TMEM232: variants seen among roughly 807,000 people sequenced by gnomAD.
The protein encoded by TMEM232 is transmembrane protein 232.
Under a neutral mutation model 78.8 loss-of-function variants are expected in TMEM232, and 80 were observed. That is an observed-to-expected ratio of 1.01 (90% CI 0.85 to 1.22). The LOEUF (loss-of-function observed/expected upper bound fraction) is 1.22. Ranked by LOEUF, TMEM232 falls within the 50% of genes most tolerant of loss-of-function variation. The pLI is 0.00. For synonymous variants in TMEM232, 297 were observed against 254.3 expected (o/e 1.17, Z -1.60); for missense variants, 881 against 742.2 (o/e 1.19, Z -2.17).
chr5:110,706,077 T>G (rs893216681), intron 1 of TMEM232, among the ~76,000 whole-genome samples: 5 of 152,004 alleles, frequency 3.3e-5, no homozygotes, highest in Admixed American at 3.3e-4. Flanking sequence ...AAATAACACT[T>G]ATAATAATGA....
At chr5:110,722,385 C>T (rs1362987988) in intron 1 of TMEM232, among the ~76,000 whole-genome samples, 1 of 152,120 alleles carries the variant, frequency 6.6e-6, no homozygotes, top group Non-Finnish European at 1.5e-5. Context: ...CAGGTTCAGT[C>T]AGTCAGTCAG....
In TMEM232 at chr5:110,559,652, C is replaced by T. The variant is rs536122790; in HGVS notation, c.1455+8795G>A. 3.0e-3 allele frequency among the ~76,000 whole-genome samples: 462 copies of T among 152,164 alleles called. 3 individuals carry two copies. Among genetic ancestry groups the T allele is most frequent in the African/African-American group, 0.011 (436 of 41,510 alleles). ...TATTATACATCCATCAGAATGTCTA[C>T]GTTAAAAAGGCTGAAAATTTTTCAG... On this transcript the variant is annotated intron_variant, in intron 11 of 13. Coordinates refer to ENST00000455884, the MANE Select transcript of TMEM232 (RefSeq NM_001039763.4).
intron 8 of TMEM232, among the ~76,000 whole-genome samples, chr5:110,617,325 T>C (rs1223486294): frequency 6.6e-6 from 1 of 152,094 alleles, no homozygotes; most frequent in East Asian, 1.9e-4. Flanking sequence ...AAGTTTCAGT[T>C]AGACAGGAGG....
rs112814876 is a variant in TMEM232, at chr5:110,673,512, T to C, written c.-12-6148A>G. Among the ~76,000 whole-genome samples, 576 of 152,186 alleles carry C rather than the reference T, an allele frequency of 3.8e-3. 2 individuals are homozygous for C. The highest frequency in any genetic ancestry group is 0.013 in the African/African-American group (547 of 41,536). On this transcript the variant is annotated intron_variant, in intron 1 of 13. Transcript: ENST00000455884. The stretch of plus-strand genomic sequence containing the variant: ...GCTTTAGAGGGTCACGTAAGGTCGA[T>C]TGGAAAATTCTTTGTAATTTTTTAA...
intron 4 of TMEM232, 137 bp from the exon 5 acceptor site, chr5:110,638,492 G>C: frequency 1.2e-6 from 1 of 840,804 alleles, no homozygotes; most frequent in Non-Finnish European, 1.8e-6. Flanking sequence ...AATTCTCTTT[G>C]ACACCTTTCT....
At chr5:110,555,880 T>C (rs1235811482) in intron 11 of TMEM232, among the ~76,000 whole-genome samples, 2 of 152,176 alleles carry the variant, frequency 1.3e-5, no homozygotes, top group South Asian at 4.1e-4. Context: ...TTTGAACCTA[T>C]AGGTATCCTT....
intron 11 of TMEM232, among the ~76,000 whole-genome samples, chr5:110,537,477 C>G (rs1049451062): frequency 6.6e-6 from 1 of 151,940 alleles, no homozygotes; most frequent in East Asian, 1.9e-4. Flanking sequence ...ACCTAACAAT[C>G]TGCAAAACTC....
chr5:110,524,169 A>G (rs1770020204), intron 12 of TMEM232, among the ~76,000 whole-genome samples: 1 of 150,682 alleles, frequency 6.6e-6, no homozygotes, highest in African/African-American at 2.4e-5. Flanking sequence ...AGGCTGAGGC[A>G]TAAGAATTGC....
intron 6 of TMEM232, among the ~76,000 whole-genome samples, chr5:110,627,245 A>T (rs1390489211): frequency 1.3e-5 from 2 of 152,070 alleles, no homozygotes; most frequent in Non-Finnish European, 2.9e-5. Flanking sequence ...CAAGTCCAGA[A>T]CCTTACTAAA....
intron 1 of TMEM232, among the ~76,000 whole-genome samples, chr5:110,711,029 C>CA (rs987253642): frequency 6.6e-6 from 1 of 151,892 alleles, no homozygotes; most frequent in African/African-American, 2.4e-5. Flanking sequence ...AAGACTTCAC[C>CA]AAAAAACGAT....
At chr5:110,540,827 C>T (rs141795810) in intron 11 of TMEM232, among the ~76,000 whole-genome samples, 2 of 152,260 alleles carry the variant, frequency 1.3e-5, no homozygotes, top group Non-Finnish European at 2.9e-5. Context: ...GCTCATGCTA[C>T]AATCTGGAAG....
At chr5:110,670,083 GC>G (rs1791155269) in intron 1 of TMEM232, among the ~76,000 whole-genome samples, 1 of 152,168 alleles carries the variant, frequency 6.6e-6, no homozygotes, top group South Asian at 2.1e-4. Context: ...AGACAGGGAT[GC>G]CCTCTCTCAC....
chr5:110,604,975 A>T (rs1781363472), intron 10 of TMEM232, 134 bp downstream of exon 10: 6 of 1,076,116 alleles, frequency 5.6e-6, no homozygotes, highest in Non-Finnish European at 7.8e-6. Context: ...ATCATGCTAT[A>T]TTCTTCCAAA....
chr5:110,404,764 A>G (rs1249372122), intron 2 of TMEM232, among the ~76,000 whole-genome samples: 1 of 152,054 alleles, frequency 6.6e-6, no homozygotes, highest in African/African-American at 2.4e-5. Context: ...CCAAAGAAAA[A>G]CAAGTGCTTC....
chr5:110,734,383 G>A (rs2150386808), intron 2 of TMEM232, among the ~76,000 whole-genome samples: 1 of 152,316 alleles, frequency 6.6e-6, no homozygotes, highest in East Asian at 1.9e-4. Context: ...GCCTCTGTTT[G>A]GGTCACACCT....
chr5:110,692,165 C>A (rs1005199617), intron 1 of TMEM232, among the ~76,000 whole-genome samples: 7 of 152,166 alleles, frequency 4.6e-5, no homozygotes, highest in Non-Finnish European at 1.0e-4. Flanking sequence ...CATGATCTGC[C>A]CGCCTCGGCC....
intron 11 of TMEM232, 49 bp downstream of exon 11, chr5:110,568,398 G>T: frequency 6.9e-7 from 1 of 1,443,310 alleles, no homozygotes; most frequent in South Asian, 1.4e-5. Flanking sequence ...TGACAACCGT[G>T]CTTCCTAATG....
intron 3 of TMEM232, among the ~76,000 whole-genome samples, chr5:110,395,532 T>A (rs887191552): frequency 3.3e-5 from 5 of 152,154 alleles, no homozygotes; most frequent in Non-Finnish European, 1.5e-5. Context: ...TTCCTTAGAT[T>A]TCATGTTAGT....
At chr5:110,405,556 G>C (rs1232319627) in intron 2 of TMEM232, among the ~76,000 whole-genome samples, 1 of 151,624 alleles carries the variant, frequency 6.6e-6, no homozygotes, top group Non-Finnish European at 1.5e-5. Flanking sequence ...ATGAACTATT[G>C]TGGGAGAGAA....
Sources: allele counts gnomAD v4.1 joint callset (sites outside exome capture counted in the v4.1 genomes callset), GRCh38; gene constraint gnomAD v4.1.1; transcripts MANE v1.5; gene names NCBI Gene and HGNC (gene_info 2026-07-23, HGNC 2026-07-21).